The following UBFD1 variants were observed in gnomAD, a reference collection of about 807,000 sequenced individuals.
UBFD1 encodes ubiquitin family domain containing 1.
Under a neutral mutation model 35.1 loss-of-function variants are expected in UBFD1, and 12 were observed. The ratio of observed to expected loss-of-function variants is 0.34; its 90% CI spans 0.22 to 0.55. UBFD1 has a LOEUF of 0.55. Ranked by LOEUF, UBFD1 falls within the 20% of genes least tolerant of loss-of-function variation. The pLI is 0.89. For missense variants in UBFD1, 337 were observed against 410.8 expected, an observed-to-expected ratio of 0.82 and a Z score of 1.55; for synonymous variants, 178 against 167.6, an observed-to-expected ratio of 1.06 and a Z score of -0.48.
At chr16:23,562,012 T>C (rs931850415) in intron 3 of UBFD1, 194 bp from the exon 4 acceptor site, 67 of 568,548 alleles carry the variant, frequency 1.2e-4, no homozygotes, top group African/African-American at 1.1e-3. Context: ...CTAGCACAGG[T>C]ACGAACATAT....
intron 5 of UBFD1, among the ~76,000 whole-genome samples, chr16:23,562,995 C>T (rs1181695426): frequency 6.6e-6 from 1 of 152,192 alleles, no homozygotes; most frequent in Non-Finnish European, 1.5e-5. Context: ...AAACACGTGG[C>T]CCAAGGGCCA....
rs564002551 is a variant in UBFD1 at position 23,567,763 on chromosome 16, A to T, written c.819+694A>T. Among the ~76,000 whole-genome samples the T allele has an allele frequency of 3.3e-5, 5 of 152,382 alleles. No individual in the cohort carries two copies. In the East Asian group the frequency reaches 9.6e-4, roughly 29 times the overall value. The stretch of plus-strand genomic sequence containing the variant: ...CACGAAGTTGATTCTGCAGTTGCCC[A>T]TCAGGGGCCTGGCCTGAGCAGCTGT... On this transcript the variant is annotated intron_variant, in intron 6 of 6. Transcript: ENST00000395878.
intron 2 of UBFD1, among the ~76,000 whole-genome samples, chr16:23,558,679 A>G (rs1044438595): frequency 6.6e-6 from 1 of 152,194 alleles, no homozygotes; most frequent in Admixed American, 6.5e-5. Flanking sequence ...AAGTTTAGGA[A>G]ACGCTGCTAT....
chr16:23,568,727 G>C (rs1391468152), intron 6 of UBFD1: 1 of 151,944 alleles, frequency 6.6e-6, no homozygotes, highest in Non-Finnish European at 1.5e-5. Context: ...GCTGAGGCAG[G>C]AGAACTGCTT....
At position 23,558,048 on chromosome 16, in the gene UBFD1, G is replaced by A. The variant is rs1965847600; in HGVS notation, c.124G>A (p.Ala42Thr). 7.5e-7 allele frequency: 1 copy of A among 1,339,206 alleles called. No individual in the cohort carries two copies. Among genetic ancestry groups the A allele is most frequent in the Non-Finnish European group, 9.5e-7 (1 of 1,048,570 alleles). The allele number at this position is 1,339,206 out of a possible 1,614,324, so 83.0% of individuals were successfully genotyped here. A position where few individuals can be genotyped will look rare whatever the true frequency, so the allele number is the denominator to read the frequency against. Residue 42 changes from alanine to threonine, a missense_variant, in exon 2 of 7, where the codon GCG becomes ACG. Physicochemically the swap from Ala to Thr is moderately conservative, Grantham distance 58. This residue lies in a region of UBFD1 where 198 missense variants were observed against 168.4 expected (regional missense o/e 1.18). Coordinates refer to ENST00000395878, the MANE Select transcript of UBFD1 (RefSeq NM_019116.3). ...NCLEAEAAAG[A>T]AAEDSGAARG... ...CCTGGAGGCTGAAGCCGCGGCGGGG[G>A]CGGCGGCCGAGGACTCCGGCGCCGC...
rs1965953584 is a variant in UBFD1 at position 23,562,611 on chromosome 16, T to C, written c.631-14T>C. 2 of 1,612,304 alleles carry C rather than the reference T, an allele frequency of 1.2e-6. No individual in the cohort carries two copies. Among genetic ancestry groups the C allele is most frequent in the Non-Finnish European group, 1.7e-6 (2 of 1,179,134 alleles). On this transcript the variant is annotated splice_polypyrimidine_tract_variant and intron_variant, in intron 4 of 6. Transcript: ENST00000395878. Reference sequence around the variant, plus strand: ...ACTGTCCCTCCATCTCTTACCATTCTCTCGTGCCTTCAGGAGCGCCTGCCA... The same window carrying C: ...ACTGTCCCTCCATCTCTTACCATTCCCTCGTGCCTTCAGGAGCGCCTGCCA...
chr16:23,568,767 G>C (rs1395659411), intron 6 of UBFD1: 1 of 151,926 alleles, frequency 6.6e-6, no homozygotes, highest in African/African-American at 2.4e-5. Flanking sequence ...GGCGAAGGTT[G>C]TAGTGAGCAG....
chr16:23,558,505 C>T (rs1253356726), intron 2 of UBFD1, among the ~76,000 whole-genome samples: 1 of 152,030 alleles, frequency 6.6e-6, no homozygotes, highest in Non-Finnish European at 1.5e-5. Context: ...ACGTTTAGGC[C>T]CCAGTTTCTC....
intron 3 of UBFD1, among the ~76,000 whole-genome samples, chr16:23,560,600 A>T (rs1390826042): frequency 6.6e-6 from 1 of 152,234 alleles, no homozygotes; most frequent in East Asian, 1.9e-4. Context: ...AGGAGTATAA[A>T]AACGAGAAGT....
chr16:23,563,218 T>C (rs1048871503), intron 5 of UBFD1, among the ~76,000 whole-genome samples: 1 of 152,122 alleles, frequency 6.6e-6, no homozygotes, highest in African/African-American at 2.4e-5. Context: ...GTCCCATTTA[T>C]CTTAGAAGTA....
intron 2 of UBFD1, among the ~76,000 whole-genome samples, chr16:23,558,784 T>G (rs78013766): frequency 2.3e-5 from 2 of 85,488 alleles, no homozygotes; most frequent in African/African-American, 5.8e-5. Context: ...CTTTTTCCTA[T>G]TTTTTTTTTT....
intron 5 of UBFD1, chr16:23,563,930 G>A (rs1247424941): frequency 6.6e-6 from 1 of 152,146 alleles, no homozygotes; most frequent in Non-Finnish European, 1.5e-5. Flanking sequence ...AGCCTTCCTT[G>A]ATTCTCCCCC....
chr16:23,560,385 A>G (rs1319343830), intron 3 of UBFD1, among the ~76,000 whole-genome samples: 5 of 152,214 alleles, frequency 3.3e-5, no homozygotes, highest in Non-Finnish European at 7.3e-5. Flanking sequence ...GGCAAATTAT[A>G]CTGATTGCTG....
At chr16:23,559,990 C>T (rs1020501431) in intron 3 of UBFD1, 3 of 997,514 alleles carry the variant, frequency 3.0e-6, no homozygotes, top group Non-Finnish European at 2.8e-6. Context: ...GAGAAAACTA[C>T]CAGTACTAGA....
At chr16:23,566,808 A>C (rs1597043365) in intron 5 of UBFD1, 179 bp from the exon 6 acceptor site, 2 of 562,568 alleles carry the variant, frequency 3.6e-6, no homozygotes, top group East Asian at 5.8e-5. Context: ...CAGCTCCCAC[A>C]CGAAGCCCTA....
chr16:23,569,748 G>A (rs112486925), intron 6 of UBFD1: 1,984 of 152,210 alleles, frequency 0.013, 19 homozygotes, highest in South Asian at 0.019. Context: ...CATGTGTCAC[G>A]TGCGTCCTTC....
At position 23,559,386 on chromosome 16, in the gene UBFD1, C is replaced by A. The variant is rs1450988068; in HGVS notation, c.356-82C>A. The A allele has an allele frequency of 3.9e-6, 5 of 1,265,932 alleles. No homozygotes were observed. In the African/African-American group the frequency reaches 6.0e-5, roughly 15 times the overall value. 78.4% of individuals were successfully genotyped at this position (1,265,932 alleles called of 1,614,324 possible). The stretch of plus-strand genomic sequence containing the variant: ...GTGGAGGCAGTATTCACTTTTTGGT[C>A]TGTTACCAAAGAGCTGTGTAGTATC... On this transcript the variant is annotated intron_variant, in intron 2 of 6. Transcript: ENST00000395878.
chr16:23,566,830 C>G (rs1966017962), intron 5 of UBFD1, 157 bp from the exon 6 acceptor site: 1 of 665,462 alleles, frequency 1.5e-6, no homozygotes, highest in African/African-American at 1.8e-5. Context: ...GTGCACTGGT[C>G]AGAAGACCCT....
At chr16:23,563,050 G>T (rs145255698) in intron 5 of UBFD1, among the ~76,000 whole-genome samples, 2 of 151,202 alleles carry the variant, frequency 1.3e-5, no homozygotes, top group African/African-American at 4.9e-5. Context: ...CACACAATCT[G>T]TAAAAATTGG....
Sources: allele counts gnomAD v4.1 joint callset (sites outside exome capture counted in the v4.1 genomes callset), GRCh38; gene constraint gnomAD v4.1.1; regional missense constraint gnomAD v4.1.1; transcripts MANE v1.5; gene names NCBI Gene and HGNC (gene_info 2026-07-23, HGNC 2026-07-21).